The following FAM120A variants were observed in gnomAD, a reference collection of about 807,000 sequenced individuals.
FAM120A encodes the protein family with sequence similarity 120 member A.
FAM120A carries 15 observed loss-of-function variants against 109.7 expected under a neutral mutation model. The observed-to-expected ratio is 0.14, with a 90% CI of 0.09 to 0.21. The LOEUF (loss-of-function observed/expected upper bound fraction) is 0.21. Among genes scored for constraint, FAM120A ranks in the 10% least tolerant of loss-of-function variants. The pLI, the probability that FAM120A is intolerant of heterozygous loss-of-function variation, is 1.00. For synonymous variants in FAM120A, 493 were observed against 572.8 expected, an observed-to-expected ratio of 0.86 and a Z score of 1.99; for missense variants, 899 against 1,439.3, an observed-to-expected ratio of 0.62 and a Z score of 6.07.
At chr9:93,507,131 C>T (rs1265783957) in intron 5 of FAM120A, among the ~76,000 whole-genome samples, 1 of 152,054 alleles carries the variant, frequency 6.6e-6, no homozygotes, top group East Asian at 1.9e-4. Flanking sequence ...TGGGCAAGGG[C>T]AGGTATAGGG....
intron 1 of FAM120A, among the ~76,000 whole-genome samples, chr9:93,460,486 C>T (rs970241699): frequency 6.6e-6 from 1 of 152,060 alleles, no homozygotes; most frequent in Non-Finnish European, 1.5e-5. Flanking sequence ...GGATTACAGG[C>T]ACGCCATGCC....
At chr9:93,541,202 T>G (rs746713424) in intron 10 of FAM120A, among the ~76,000 whole-genome samples, 4 of 152,206 alleles carry the variant, frequency 2.6e-5, no homozygotes, top group Non-Finnish European at 5.9e-5. Context: ...TAGAGTAATC[T>G]GATAGCAACA....
intron 7 of FAM120A, chr9:93,523,454 C>T (rs1860928813): frequency 2.2e-6 from 1 of 446,586 alleles, no homozygotes; most frequent in South Asian, 2.0e-5. Context: ...CAGATATCCA[C>T]TTTATATTTA....
At chr9:93,535,668 G>A (rs187527965) in intron 10 of FAM120A, among the ~76,000 whole-genome samples, 3 of 152,238 alleles carry the variant, frequency 2.0e-5, no homozygotes, top group Non-Finnish European at 2.9e-5. Flanking sequence ...TGTTTCATGC[G>A]TTAGTTACAT....
chr9:93,520,274 C>T (rs1040084265), intron 7 of FAM120A, among the ~76,000 whole-genome samples: 1 of 151,924 alleles, frequency 6.6e-6, no homozygotes, highest in Admixed American at 6.6e-5. Flanking sequence ...ATCACTTGAG[C>T]CCAGGAGGTT....
intron 3 of FAM120A, among the ~76,000 whole-genome samples, chr9:93,486,982 GA>G (rs1859089069): frequency 6.6e-6 from 1 of 152,094 alleles, no homozygotes; most frequent in Admixed American, 6.5e-5. Flanking sequence ...CCATCTTAGT[GA>G]GCTTAATGAG....
intron 3 of FAM120A, among the ~76,000 whole-genome samples, chr9:93,496,723 C>T (rs1343878208): frequency 1.3e-5 from 2 of 152,210 alleles, no homozygotes; most frequent in Non-Finnish European, 2.9e-5. Context: ...AGCATATTCG[C>T]AGGTTCTGGA....
rs1341759189 is a variant in FAM120A at position 93,498,226 on chromosome 9, C to G, written c.934-564C>G. Reference sequence around the variant, plus strand: ...TGGCCAACATGGTGAAACCCTGTCTCTATTAAAAATACAAAAATTAGCCAG... The same window carrying G: ...TGGCCAACATGGTGAAACCCTGTCTGTATTAAAAATACAAAAATTAGCCAG... On this transcript the variant is annotated intron_variant, in intron 4 of 17. Coordinates refer to ENST00000277165, the MANE Select transcript of FAM120A (RefSeq NM_014612.5). This position sits in a 1 kb window ranked among gnomAD's most constrained non-coding sequence, Gnocchi z 4.4. 2.0e-5 allele frequency among the ~76,000 whole-genome samples: 3 copies of G among 152,204 alleles called. No homozygotes were observed. Among genetic ancestry groups the G allele is most frequent in the South Asian group, 2.1e-4 (1 of 4,830 alleles).
At position 93,503,267 on chromosome 9, in the gene FAM120A, C is replaced by T. The variant is rs746558084; in HGVS notation, c.1030+4381C>T. Among the ~76,000 whole-genome samples the T allele has an allele frequency of 7.9e-5, 12 of 152,238 alleles. No homozygotes were observed. The South Asian group carries it at 8.3e-4, about 11-fold the overall frequency. ...CAAAGGAGTTGAAAACTTATGTCTA[C>T]GCAAAAACCTGCACACAGATATTTA... On this transcript the variant is annotated intron_variant, in intron 5 of 17. Coordinates refer to ENST00000277165, the MANE Select transcript of FAM120A (RefSeq NM_014612.5).
chr9:93,480,399 C>T (rs74740549), intron 3 of FAM120A, among the ~76,000 whole-genome samples: 11,656 of 152,234 alleles, frequency 0.077, 575 homozygotes, highest in Non-Finnish European at 0.1. Flanking sequence ...TGCCTGGAGG[C>T]TGGGCTGGAG....
At chr9:93,469,050 T>C (rs1320755427) in intron 1 of FAM120A, among the ~76,000 whole-genome samples, 4 of 152,238 alleles carry the variant, frequency 2.6e-5, no homozygotes, top group African/African-American at 9.6e-5. Context: ...CTAGGTCCCC[T>C]GCCCATGCTG....
At chr9:93,552,190 AAG>A (rs1862124909) in intron 12 of FAM120A, among the ~76,000 whole-genome samples, 1 of 152,192 alleles carries the variant, frequency 6.6e-6, no homozygotes, top group Non-Finnish European at 1.5e-5. Flanking sequence ...ATTCACCATC[AAG>A]TTACTTTTAC....
intron 12 of FAM120A, among the ~76,000 whole-genome samples, chr9:93,552,481 C>CT (rs1258565720): frequency 1.3e-5 from 2 of 152,164 alleles, no homozygotes; most frequent in Non-Finnish European, 2.9e-5. Context: ...CAGCCTACAC[C>CT]TGTAAGTGCT....
chr9:93,468,184 A>G (rs1487536079), intron 1 of FAM120A, among the ~76,000 whole-genome samples: 1 of 152,084 alleles, frequency 6.6e-6, no homozygotes, highest in African/African-American at 2.4e-5. Context: ...GCGCCCGGCT[A>G]CCACCTTTGT....
intron 11 of FAM120A, among the ~76,000 whole-genome samples, chr9:93,548,408 G>C (rs376109986): frequency 5.9e-5 from 9 of 152,166 alleles, no homozygotes; most frequent in Middle Eastern, 3.4e-3. Flanking sequence ...GGAACCAATA[G>C]CTAGGGGCTG....
chr9:93,486,242 G>T (rs1440972868), intron 3 of FAM120A, among the ~76,000 whole-genome samples: 1 of 151,812 alleles, frequency 6.6e-6, no homozygotes, highest in African/African-American at 2.4e-5. Context: ...CCATAGTCCT[G>T]GGATTACAGG....
chr9:93,556,505 A>G lies in FAM120A; in HGVS notation c.2398A>G (p.Met800Val). 6.2e-7 allele frequency: 1 copy of G among 1,614,144 alleles called. No individual in the cohort carries two copies. ...CCCCTGGGAACACTGTTGTCCTTGG[A>G]TGTATTTTGATGGGAAGCTCTTCCA... ...PIPWEHCCPW[M>V]YFDGKLFQSK... The change falls in exon 13 of 18, where the codon ATG becomes GTG. Residue 800 changes from methionine to valine, a missense_variant. Coordinates refer to ENST00000277165, the MANE Select transcript of FAM120A (RefSeq NM_014612.5).
At chr9:93,458,463 C>T (rs1257225642) in intron 1 of FAM120A, among the ~76,000 whole-genome samples, 1 of 152,104 alleles carries the variant, frequency 6.6e-6, no homozygotes, top group Non-Finnish European at 1.5e-5. Context: ...TCCTCCCAGT[C>T]CCTAGAATAA....
At chr9:93,455,725 C>T (rs1041703631) in intron 1 of FAM120A, among the ~76,000 whole-genome samples, 2 of 151,696 alleles carry the variant, frequency 1.3e-5, no homozygotes, top group Admixed American at 6.6e-5. Context: ...TGCAGTGGCG[C>T]GATCTCGGCT....
Sources: gnomAD v4.1 joint callset for allele counts (sites outside exome capture counted in the v4.1 genomes callset) on GRCh38, gnomAD v4.1.1 for gene constraint, Gnocchi (gnomAD v3.1) non-coding constraint, MANE v1.5 for transcripts, NCBI Gene and HGNC (gene_info 2026-07-23, HGNC 2026-07-21) for gene names.